The following HIVEP2 variants were observed in gnomAD, a reference collection of about 807,000 sequenced individuals.
The protein encoded by HIVEP2 is HIVEP zinc finger 2, also known as transcription factor HIVEP2.
A neutral mutation model predicts 180.7 loss-of-function variants in HIVEP2; 14 were observed. The ratio of observed to expected loss-of-function variants is 0.08; its 90% CI spans 0.05 to 0.12. The LOEUF is 0.12. Ranked by LOEUF, HIVEP2 falls within the 10% of genes least tolerant of loss-of-function variation. The pLI is 1.00. For synonymous variants in HIVEP2, 1,184 were observed against 1,136.4 expected, an observed-to-expected ratio of 1.04 and a Z score of -0.84; for missense variants, 2,579 against 3,008.5, an observed-to-expected ratio of 0.86 and a Z score of 3.34.
intron 1 of HIVEP2, among the ~76,000 whole-genome samples, chr6:142,847,660 C>G (rs1409133132): frequency 6.6e-6 from 1 of 152,162 alleles, no homozygotes; most frequent in African/African-American, 2.4e-5. Flanking sequence ...CAACTGCTAA[C>G]TGATATAGGA....
chr6:142,817,050 CA>C lies in HIVEP2; in HGVS notation c.-528+19884del, dbSNP rs140563240. 2.8e-3 allele frequency among the ~76,000 whole-genome samples: 432 copies of C among 152,196 alleles called. 2 individuals are homozygous for C. The highest frequency in any genetic ancestry group is 8.6e-3 in the African/African-American group (355 of 41,516). ...CAAGGGCATGAGAGGACTTAAGAAA[CA>C]ATACAAAATAAGGCAGATAGGTATG... On this transcript the variant is annotated intron_variant, in intron 2 of 9. Coordinates refer to ENST00000367603, the MANE Select transcript of HIVEP2 (RefSeq NM_006734.4).
chr6:142,910,581 A>G (rs759117523), intron 1 of HIVEP2, among the ~76,000 whole-genome samples: 11 of 152,260 alleles, frequency 7.2e-5, no homozygotes, highest in Non-Finnish European at 1.6e-4. Flanking sequence ...CAGCCTGGTG[A>G]CACAGCGAGA....
At chr6:142,777,648 C>CAAAAAAAAA (rs58304452) in intron 3 of HIVEP2, among the ~76,000 whole-genome samples, 4 of 27,708 alleles carry the variant, frequency 1.4e-4, no homozygotes, top group Non-Finnish European at 2.3e-4. Flanking sequence ...AACTCCATCT[C>CAAAAAAAAA]AAAAAAAAAA....
At chr6:142,767,875 G>A (rs1287492148) in intron 6 of HIVEP2, among the ~76,000 whole-genome samples, 1 of 152,184 alleles carries the variant, frequency 6.6e-6, no homozygotes, top group African/African-American at 2.4e-5. Flanking sequence ...GTGGTACCCT[G>A]ACTTGGATCC....
intron 1 of HIVEP2, among the ~76,000 whole-genome samples, chr6:142,939,465 A>G (rs2128441129): frequency 6.6e-6 from 1 of 152,242 alleles, no homozygotes; most frequent in Middle Eastern, 3.4e-3. Flanking sequence ...GGAGCTACGT[A>G]CCTTTCCAGG....
At chr6:142,912,167 C>T (rs561260525) in intron 1 of HIVEP2, among the ~76,000 whole-genome samples, 86 of 152,298 alleles carry the variant, frequency 5.6e-4, no homozygotes, top group Middle Eastern at 3.4e-3. Context: ...CTCAGCTGCA[C>T]GGCCACATTT....
At chr6:142,810,954 A>C (rs545194728) in intron 2 of HIVEP2, among the ~76,000 whole-genome samples, 36 of 152,188 alleles carry the variant, frequency 2.4e-4, no homozygotes, top group Middle Eastern at 6.8e-3. Flanking sequence ...GCAGGTCAAT[A>C]AGAGCACTAC....
intron 9 of HIVEP2, among the ~76,000 whole-genome samples, chr6:142,759,308 A>T (rs1775159455): frequency 1.3e-5 from 2 of 152,096 alleles, no homozygotes; most frequent in Non-Finnish European, 2.9e-5. Flanking sequence ...GTCTCAAAAA[A>T]AATAAATAAA....
chr6:142,788,713 G>C lies in HIVEP2; in HGVS notation c.-527-5098C>G, dbSNP rs113715629. Among the ~76,000 whole-genome samples, 1,262 of 141,654 alleles carry C rather than the reference G, an allele frequency of 8.9e-3. 23 individuals carry two copies. The highest frequency in any genetic ancestry group is 0.03 in the African/African-American group (1,194 of 39,510). 92.9% of individuals were successfully genotyped at this position (141,654 alleles called of 152,430 possible). Reference sequence around the variant, plus strand: ...GGGTAACAGAGCAAGACTCCATCTCGAAAAACAACAACAACAAACAAACAA... The same window carrying C: ...GGGTAACAGAGCAAGACTCCATCTCCAAAAACAACAACAACAAACAAACAA... On this transcript the variant is annotated intron_variant, in intron 2 of 9. Coordinates refer to ENST00000367603, the MANE Select transcript of HIVEP2 (RefSeq NM_006734.4).
intron 1 of HIVEP2, among the ~76,000 whole-genome samples, chr6:142,904,300 A>G (rs1279080053): frequency 6.6e-6 from 1 of 152,182 alleles, no homozygotes; most frequent in Non-Finnish European, 1.5e-5. Flanking sequence ...ATTTACCTTT[A>G]AAAATCATTT....
chr6:142,775,198 A>C, intron 4 of HIVEP2, 73 bp from the exon 5 acceptor site: 3 of 366,760 alleles, frequency 8.2e-6, no homozygotes, highest in African/African-American at 2.2e-5. Flanking sequence ...AAAAAACCTA[A>C]CTAACCAACC....
intron 5 of HIVEP2, 74 bp from the exon 6 acceptor site, chr6:142,768,610 A>C (rs1775434738): frequency 2.0e-6 from 3 of 1,466,852 alleles, no homozygotes; most frequent in Admixed American, 4.2e-5. Flanking sequence ...CCACTCTTCC[A>C]TCATCTCTGA....
rs779063050 is a variant in HIVEP2, at chr6:142,770,778, C to G, written c.3961G>C (p.Ala1321Pro). 4 of 1,614,210 alleles carry G rather than the reference C, an allele frequency of 2.5e-6. No individual in the cohort carries two copies. The Admixed American group carries it at 6.7e-5, about 27-fold the overall frequency. ...AGGGACTGCAAAGACCCAGCATTTG[C>G]CGAGGCAAAATCTTCTTGAAGAACC... Reference protein sequence around the residue: ...EQVLQEDFASANAGSLQSLPG... With the variant: ...EQVLQEDFASPNAGSLQSLPG... Residue 1321 changes from alanine to proline, a missense_variant, in exon 5 of 10, where the codon GCA (alanine) becomes CCA (proline). This residue lies in a region of HIVEP2 where 523 missense variants were observed against 577.0 expected (regional missense o/e 0.91). Transcript: ENST00000367603. This position sits in a 1 kb window ranked among gnomAD's most constrained non-coding sequence, Gnocchi z 4.7.
intron 1 of HIVEP2, among the ~76,000 whole-genome samples, chr6:142,843,790 C>T (rs531594604): frequency 1.2e-4 from 19 of 152,060 alleles, no homozygotes; most frequent in African/African-American, 3.9e-4. Flanking sequence ...TTGGCAGCAG[C>T]AATAGTGTTA....
At chr6:142,914,895 T>C (rs1358936865) in intron 1 of HIVEP2, among the ~76,000 whole-genome samples, 1 of 152,196 alleles carries the variant, frequency 6.6e-6, no homozygotes, top group African/African-American at 2.4e-5. Context: ...CCTTTCTACC[T>C]CAACTTTCCA....
At chr6:142,925,592 T>A (rs567695300) in intron 1 of HIVEP2, among the ~76,000 whole-genome samples, 11 of 152,332 alleles carry the variant, frequency 7.2e-5, no homozygotes, top group Admixed American at 6.5e-4. Flanking sequence ...TCAAATAACC[T>A]TAAATTTCCT....
At chr6:142,853,877 A>AAGC (rs1381248740) in intron 1 of HIVEP2, among the ~76,000 whole-genome samples, 2 of 152,166 alleles carry the variant, frequency 1.3e-5, no homozygotes, top group African/African-American at 4.8e-5. Flanking sequence ...AGTGAATCAG[A>AAGC]AGCTAGAGCA....
At chr6:142,769,436 C>T in intron 5 of HIVEP2, 116 bp downstream of exon 5, 2 of 913,386 alleles carry the variant, frequency 2.2e-6, no homozygotes, top group Non-Finnish European at 3.3e-6. Context: ...AAAACGCCCC[C>T]ACACTGACCT....
At chr6:142,870,712 TGTTCTACCAGCAG>T (rs1776271061) in intron 1 of HIVEP2, among the ~76,000 whole-genome samples, 1 of 152,276 alleles carries the variant, frequency 6.6e-6, no homozygotes, top group Admixed American at 6.5e-5. Flanking sequence ...TAATCATCCC[TGTTCTACCAGCAG>T]AAAAGTGAAG....
Sources: allele counts gnomAD v4.1 joint callset (sites outside exome capture counted in the v4.1 genomes callset), GRCh38; gene constraint gnomAD v4.1.1; regional missense constraint gnomAD v4.1.1; non-coding constraint Gnocchi (gnomAD v3.1); transcripts MANE v1.5; gene names NCBI Gene and HGNC (gene_info 2026-07-23, HGNC 2026-07-21).